CREB1: variants seen among roughly 807,000 people sequenced by gnomAD.
The protein encoded by CREB1 is cyclic AMP-responsive element-binding protein 1.
Under a neutral mutation model 42.0 loss-of-function variants are expected in CREB1, and 2 were observed. The observed-to-expected ratio is 0.05, with a 90% CI of 0.02 to 0.15. CREB1 has a LOEUF of 0.15. Ranked by LOEUF, CREB1 falls within the 10% of genes least tolerant of loss-of-function variation. CREB1 has a pLI of 1.00. For missense variants in CREB1, 199 were observed against 388.9 expected (o/e 0.51, Z 4.11); for synonymous variants, 123 against 139.9 (o/e 0.88, Z 0.85).
At chr2:207,592,361 A>G (rs950120251) in intron 7 of CREB1, among the ~76,000 whole-genome samples, 18 of 152,090 alleles carry the variant, frequency 1.2e-4, no homozygotes, top group Non-Finnish European at 2.4e-4. Context: ...AGCCCAGATC[A>G]CGCCACTGCA....
chr2:207,589,249 G>T (rs1422547447), intron 7 of CREB1, among the ~76,000 whole-genome samples: 1 of 152,172 alleles, frequency 6.6e-6, no homozygotes. Context: ...GAGGTTCTAG[G>T]TGAAAATGTG....
chr2:207,576,241 C>CTTTTTTTTTTTTTTTTTGG (rs2082588982), intron 6 of CREB1, among the ~76,000 whole-genome samples: 22 of 101,064 alleles, frequency 2.2e-4, no homozygotes, highest in South Asian at 3.5e-4. Context: ...CTTTTTTTGG[C>CTTTTTTTTTTTTTTTTTGG]TTTTTTTTTT....
rs1403103537 is a variant in CREB1 at position 207,553,140 on chromosome 2, C to A, written c.-8-2488C>A. On this transcript the variant is annotated intron_variant, in intron 1 of 7. Transcript: ENST00000353267. ...CTGGAGTGCAGTGGCACCATGTTGG[C>A]TCACTGCAACTTCTGTCTCCTGGGT... 2.2e-5 allele frequency among the ~76,000 whole-genome samples: 3 copies of A among 137,788 alleles called. No individual in the cohort carries two copies. The East Asian group carries it at 6.6e-4, about 30-fold the overall frequency. 90.4% of individuals were successfully genotyped at this position (137,788 alleles called of 152,430 possible).
chr2:207,570,993 G>C (rs1348042592), intron 5 of CREB1, among the ~76,000 whole-genome samples: 1 of 102,112 alleles, frequency 9.8e-6, no homozygotes, highest in Non-Finnish European at 2.2e-5. Flanking sequence ...AAAAGCATTT[G>C]TGTGAATGGT....
intron 2 of CREB1, 56 bp from the exon 3 acceptor site, chr2:207,560,168 ATG>A: frequency 6.9e-7 from 1 of 1,446,348 alleles, no homozygotes; most frequent in East Asian, 2.4e-5. Context: ...CATATTGAAC[ATG>A]AGTACTGCCA....
At chr2:207,542,093 T>C (rs997289766) in intron 1 of CREB1, among the ~76,000 whole-genome samples, 9 of 152,196 alleles carry the variant, frequency 5.9e-5, no homozygotes, top group African/African-American at 2.2e-4. Flanking sequence ...TCACGGACAT[T>C]GGACTTTTTG....
intron 7 of CREB1, among the ~76,000 whole-genome samples, chr2:207,579,493 C>T (rs1419455108): frequency 6.6e-6 from 1 of 152,120 alleles, no homozygotes; most frequent in Admixed American, 6.5e-5. Context: ...ACCAAATTTC[C>T]TTTTTGTTCT....
chr2:207,600,797 A>G lies in CREB1; in HGVS notation c.*3739A>G. 1 of 209,898 alleles carries G rather than the reference A, an allele frequency of 4.8e-6. No homozygotes were observed. The highest frequency in any genetic ancestry group is 2.3e-5 in the African/African-American group (1 of 44,150). 13.0% of individuals were successfully genotyped at this position (209,898 alleles called of 1,614,324 possible). A position where few individuals can be genotyped will look rare whatever the true frequency, so the allele number is the denominator to read the frequency against. ...TCTGTCTCTCAGGATAAATCCCTGTAGGACAAATCCCTACTATCATTTCTA... is the reference window on the plus strand; with the variant it reads ...TCTGTCTCTCAGGATAAATCCCTGTGGGACAAATCCCTACTATCATTTCTA... On this transcript the variant is annotated 3_prime_UTR_variant, in exon 8 of 8. Coordinates refer to ENST00000353267, the MANE Select transcript of CREB1 (RefSeq NM_004379.5).
rs374747042 is a variant in CREB1, at chr2:207,605,526, T to TA, written c.*8476dup. On this transcript the variant is annotated 3_prime_UTR_variant, in exon 8 of 8. Coordinates refer to ENST00000353267, the MANE Select transcript of CREB1 (RefSeq NM_004379.5). ...TTACTTTATGTAATATGTACACTTC[T>TA]AAAAAAAAGAAACATGGAAAAGGGC... Among the ~76,000 whole-genome samples, 2,111 of 152,140 alleles carry TA rather than the reference T, an allele frequency of 0.014. 32 individuals are homozygous for TA. The highest frequency in any genetic ancestry group is 0.035 in the African/African-American group (1,455 of 41,472).
chr2:207,538,147 G>A (rs924364251), intron 1 of CREB1, among the ~76,000 whole-genome samples: 1 of 152,118 alleles, frequency 6.6e-6, no homozygotes, highest in Admixed American at 6.6e-5. Flanking sequence ...TGAGATTTTG[G>A]ATGTTTTATT....
At chr2:207,547,944 A>C (rs920893923) in intron 1 of CREB1, among the ~76,000 whole-genome samples, 1 of 149,938 alleles carries the variant, frequency 6.7e-6, no homozygotes, top group Non-Finnish European at 1.5e-5. Context: ...TTTTTTTTTT[A>C]AATTGAGATG....
intron 4 of CREB1, 84 bp from the exon 5 acceptor site, chr2:207,570,095 A>T: frequency 5.1e-5 from 34 of 664,556 alleles, no homozygotes; most frequent in Non-Finnish European, 7.0e-5. Flanking sequence ...GCTTTCTGTG[A>T]GTTTTCTCAT....
Position 207,600,015 on chromosome 2 carries a change from T to C in CREB1, c.*2957T>C, listed in dbSNP as rs1250626752. 2 of 189,854 alleles carry C rather than the reference T, an allele frequency of 1.1e-5. No homozygotes were observed. The highest frequency in any genetic ancestry group is 1.1e-5 in the Non-Finnish European group (1 of 90,522). 11.8% of individuals were successfully genotyped at this position (189,854 alleles called of 1,614,324 possible). ...AGTGGGGAGGGGTTTATTTTTGATA[T>C]ATTACTCTTATGAGTTTTCAAGCTT... is the stretch of plus-strand genomic sequence containing the variant. On this transcript the variant is annotated 3_prime_UTR_variant, in exon 8 of 8. Transcript: ENST00000353267.
At position 207,602,619 on chromosome 2, in the gene CREB1, G is replaced by A. The variant is rs1179230214; in HGVS notation, c.*5561G>A. On this transcript the variant is annotated 3_prime_UTR_variant, in exon 8 of 8. Transcript: ENST00000353267. Reference sequence around the variant, plus strand: ...CTCTGCAAATAATGATTTTATGTTTGTTGGCCAAGTGAAATGATCTATCAT... The same window carrying A: ...CTCTGCAAATAATGATTTTATGTTTATTGGCCAAGTGAAATGATCTATCAT... The A allele has an allele frequency of 4.7e-6, 1 of 211,772 alleles. No individual in the cohort carries two copies. Among genetic ancestry groups the A allele is most frequent in the African/African-American group, 2.3e-5 (1 of 44,138 alleles). The allele number at this position is 211,772 out of a possible 1,614,324, so 13.1% of individuals were successfully genotyped here. A position where few individuals can be genotyped will look rare whatever the true frequency, so the allele number is the denominator to read the frequency against.
At chr2:207,549,671 G>A (rs892386140) in intron 1 of CREB1, among the ~76,000 whole-genome samples, 1 of 152,106 alleles carries the variant, frequency 6.6e-6, no homozygotes, top group Non-Finnish European at 1.5e-5. Flanking sequence ...TCAGGAAATC[G>A]AGACCGTCCT....
intron 2 of CREB1, chr2:207,559,222 C>T: frequency 1.2e-6 from 1 of 801,526 alleles, no homozygotes; most frequent in Non-Finnish European, 1.5e-6. Flanking sequence ...TGCCACTACT[C>T]CACTCTGTGC....
chr2:207,549,778 C>T (rs556638152), intron 1 of CREB1, among the ~76,000 whole-genome samples: 2 of 152,174 alleles, frequency 1.3e-5, no homozygotes, highest in South Asian at 4.1e-4. Context: ...GTCAGGAGAT[C>T]GAGACCATCC....
chr2:207,605,984 A>G lies in CREB1; in HGVS notation c.*8926A>G, dbSNP rs975074976. 1.5e-4 allele frequency among the ~76,000 whole-genome samples: 23 copies of G among 152,236 alleles called. No individual in the cohort carries two copies. Among genetic ancestry groups the G allele is most frequent in the African/African-American group, 5.1e-4 (21 of 41,466 alleles). ...TTCTGGAATTAAAATTAGAAGTGGC[A>G]CAGACTTTCATAAGGCTTTCCTTTT... On this transcript the variant is annotated 3_prime_UTR_variant, in exon 8 of 8. Coordinates refer to ENST00000353267, the MANE Select transcript of CREB1 (RefSeq NM_004379.5).
intron 5 of CREB1, chr2:207,571,685 AT>A (rs1381078404): frequency 1.3e-5 from 6 of 451,248 alleles, no homozygotes; most frequent in Non-Finnish European, 2.7e-5. Flanking sequence ...TATTCAAGAT[AT>A]GTGTTCGAAG....
Sources: gnomAD v4.1 joint callset for allele counts (sites outside exome capture counted in the v4.1 genomes callset) on GRCh38, gnomAD v4.1.1 for gene constraint, MANE v1.5 for transcripts, NCBI Gene and HGNC (gene_info 2026-07-23, HGNC 2026-07-21) for gene names.